The following TEX264 variants were observed in gnomAD, a reference collection of about 807,000 sequenced individuals.
TEX264 encodes the protein testis-expressed protein 264.
A neutral mutation model predicts 23.4 loss-of-function variants in TEX264; 13 were observed. The observed-to-expected ratio is 0.56, with a 90% confidence interval of 0.36 to 0.88. The LOEUF (loss-of-function observed/expected upper bound fraction) is 0.88, where lower values mean the gene tolerates loss of function less well. Among genes scored for constraint, TEX264 ranks in the 40% least tolerant of loss-of-function variants. The pLI, the probability that TEX264 is intolerant of heterozygous loss-of-function variation, is 0.01. For synonymous variants in TEX264, 159 were observed against 170.0 expected, an observed-to-expected ratio of 0.94 and a Z score of 0.50; for missense variants, 340 against 406.8, an observed-to-expected ratio of 0.84 and a Z score of 1.41.
intron 2 of TEX264, among the ~76,000 whole-genome samples, chr3:51,680,349 C>G (rs1702383197): frequency 6.6e-6 from 1 of 152,226 alleles, no homozygotes. Flanking sequence ...CCCGAGATGG[C>G]TGTCTTCGCT....
chr3:51,682,724 C>G (rs577982281), intron 2 of TEX264: 1 of 152,330 alleles, frequency 6.6e-6, no homozygotes, highest in African/African-American at 2.4e-5. Flanking sequence ...CGCACCGTGG[C>G]CTGCCTCTCT....
At chr3:51,701,527 A>G (rs1334658657) in intron 4 of TEX264, among the ~76,000 whole-genome samples, 1 of 151,794 alleles carries the variant, frequency 6.6e-6, no homozygotes, top group Non-Finnish European at 1.5e-5. Flanking sequence ...GTTTCGCCAT[A>G]TTGCCCAGGC....
intron 3 of TEX264, among the ~76,000 whole-genome samples, chr3:51,694,255 C>T (rs1425725511): frequency 3.3e-5 from 5 of 151,990 alleles, no homozygotes; most frequent in Non-Finnish European, 5.9e-5. Flanking sequence ...CTCAGCCTCC[C>T]GGGTAGCTGG....
At chr3:51,701,863 C>A (rs1703317527) in intron 4 of TEX264, among the ~76,000 whole-genome samples, 1 of 152,050 alleles carries the variant, frequency 6.6e-6, no homozygotes, top group East Asian at 1.9e-4. Flanking sequence ...AACTCCTGAC[C>A]TCATGTGATC....
In TEX264 at chr3:51,684,401, T is replaced by G; in HGVS notation, c.259-12T>G. The G allele has an allele frequency of 5.0e-6, 8 of 1,613,190 alleles. No homozygotes were observed. The highest frequency in any genetic ancestry group is 6.8e-6 in the Non-Finnish European group (8 of 1,179,272). On this transcript the variant is annotated splice_polypyrimidine_tract_variant and intron_variant, in intron 2 of 4. Coordinates refer to ENST00000341333, the MANE Select transcript of TEX264 (RefSeq NM_015926.6). ...TTTGGCCAACTCTCACACCCATGCTTTGCTTCCCCAGGTGCCCCCTGATAA... is the reference window on the plus strand; with the variant it reads ...TTTGGCCAACTCTCACACCCATGCTGTGCTTCCCCAGGTGCCCCCTGATAA...
intron 3 of TEX264, among the ~76,000 whole-genome samples, chr3:51,695,279 G>A (rs975294290): frequency 2.6e-5 from 4 of 152,214 alleles, no homozygotes; most frequent in Non-Finnish European, 5.9e-5. Flanking sequence ...TCCCTTGCTG[G>A]GCCTAGAGCT....
intron 2 of TEX264, among the ~76,000 whole-genome samples, chr3:51,678,530 A>G (rs574313882): frequency 4.6e-5 from 7 of 152,326 alleles, no homozygotes; most frequent in South Asian, 2.1e-4. Flanking sequence ...AAGTGGGCCT[A>G]TATTTGCTGC....
At chr3:51,671,392 ACCCCCGCGG>A (rs1702036393) in intron 1 of TEX264, 104 bp downstream of exon 1, 1 of 151,624 alleles carries the variant, frequency 6.6e-6, no homozygotes, top group Non-Finnish European at 1.5e-5. Context: ...CCCCTCCGTG[ACCCCCGCGG>A]CCCGGGCCGC....
chr3:51,671,381 TCCCCTCCGTGA>T (rs978507636), intron 1 of TEX264, 93 bp downstream of exon 1: 2 of 152,512 alleles, frequency 1.3e-5, no homozygotes, highest in African/African-American at 4.8e-5. Flanking sequence ...ACTCTCCGTG[TCCCCTCCGTGA>T]CCCCCGCGGC....
chr3:51,677,182 A>G (rs967837719), intron 2 of TEX264, among the ~76,000 whole-genome samples: 1 of 152,194 alleles, frequency 6.6e-6, no homozygotes, highest in Non-Finnish European at 1.5e-5. Context: ...GGAGAAAGGC[A>G]CTGATCTCAT....
At chr3:51,695,061 A>T (rs937000511) in intron 3 of TEX264, among the ~76,000 whole-genome samples, 5 of 152,246 alleles carry the variant, frequency 3.3e-5, no homozygotes, top group Non-Finnish European at 7.3e-5. Flanking sequence ...TGCTGTGTGC[A>T]GGCAGGTGCA....
At chr3:51,674,845 C>G (rs1443638765) in intron 2 of TEX264, among the ~76,000 whole-genome samples, 1 of 152,244 alleles carries the variant, frequency 6.6e-6, no homozygotes, top group Non-Finnish European at 1.5e-5. Context: ...TCCCTGGCTT[C>G]TGCCAGGACT....
chr3:51,689,253 G>A (rs987100354), intron 3 of TEX264, among the ~76,000 whole-genome samples: 3 of 151,862 alleles, frequency 2.0e-5, no homozygotes, highest in East Asian at 3.9e-4. Flanking sequence ...GTGAAACCTC[G>A]TCTCTACAGA....
intron 3 of TEX264, among the ~76,000 whole-genome samples, chr3:51,694,009 T>A (rs1300756498): frequency 1.6e-5 from 2 of 126,398 alleles, no homozygotes; most frequent in Non-Finnish European, 3.3e-5. Flanking sequence ...CTTCCTTCCT[T>A]CCTTCCTTCC....
intron 3 of TEX264, among the ~76,000 whole-genome samples, chr3:51,693,267 G>A (rs1305561288): frequency 6.6e-6 from 1 of 152,174 alleles, no homozygotes; most frequent in Non-Finnish European, 1.5e-5. Flanking sequence ...AGCAGGCGCA[G>A]CAGGCTGGGG....
rs778129453 is a variant in TEX264, at chr3:51,703,328, G to A, written c.650-396G>A. Among the ~76,000 whole-genome samples the A allele has an allele frequency of 6.6e-6, 1 of 152,230 alleles. No homozygotes were observed. The highest frequency in any genetic ancestry group is 1.5e-5 in the Non-Finnish European group (1 of 68,040). ...TTTCCAAGCTTGAAGTGGGGGTGGG[G>A]GAAGGTGGAGAGGACACTACTTGTG... On this transcript the variant is annotated intron_variant, in intron 4 of 4. Coordinates refer to ENST00000341333, the MANE Select transcript of TEX264 (RefSeq NM_015926.6). This position sits in a 1 kb window ranked among gnomAD's most constrained non-coding sequence, Gnocchi z 4.8.
At position 51,674,410 on chromosome 3, in the gene TEX264, G is replaced by A. The variant is rs779513874; in HGVS notation, c.106G>A (p.Val36Met). Residue 36 changes from valine (V) to methionine (M), a missense_variant, in exon 2 of 5, where the codon GTG (valine) becomes ATG (methionine). Val to Met is a conservative substitution (Grantham distance 21). Coordinates refer to ENST00000341333, the MANE Select transcript of TEX264 (RefSeq NM_015926.6). ...CTCAGGGCTACTGGCTGGGGTGGAA[G>A]TGAGTGCTGGGTCACCCCCCATCCG... ...GYSGLLAGVEVSAGSPPIRNV... is the reference protein window; with the variant it reads ...GYSGLLAGVEMSAGSPPIRNV... 5 of 1,614,228 alleles carry A rather than the reference G, an allele frequency of 3.1e-6. No homozygotes were observed. Among genetic ancestry groups the A allele is most frequent in the Non-Finnish European group, 3.4e-6 (4 of 1,180,038 alleles).
At chr3:51,698,497 ACCCCTGTTCTGGCTGT>A (rs1400770470) in intron 3 of TEX264, among the ~76,000 whole-genome samples, 1 of 151,924 alleles carries the variant, frequency 6.6e-6, no homozygotes. Flanking sequence ...AGGCAACTTG[ACCCCTGTTCTGGCTGT>A]CCCTGCCTGC....
intron 2 of TEX264, among the ~76,000 whole-genome samples, chr3:51,676,193 T>A (rs1225231624): frequency 6.6e-6 from 1 of 152,180 alleles, no homozygotes; most frequent in Non-Finnish European, 1.5e-5. Context: ...CTGCCCCCCC[T>A]TCCACACCTG....
Sources: allele counts gnomAD v4.1 joint callset (sites outside exome capture counted in the v4.1 genomes callset), GRCh38; gene constraint gnomAD v4.1.1; non-coding constraint Gnocchi (gnomAD v3.1); transcripts MANE v1.5; gene names NCBI Gene and HGNC (gene_info 2026-07-23, HGNC 2026-07-21).